The following DOCK9 variants were observed in gnomAD, a reference collection of about 807,000 sequenced individuals.
The protein encoded by DOCK9 is dedicator of cytokinesis protein 9.
A neutral mutation model predicts 263.3 loss-of-function variants in DOCK9; 89 were observed. The ratio of observed to expected loss-of-function variants is 0.34; its 90% confidence interval spans 0.28 to 0.40. The LOEUF (loss-of-function observed/expected upper bound fraction) is 0.40. Among genes scored for constraint, DOCK9 ranks in the 10% least tolerant of loss-of-function variants. The pLI, the probability that DOCK9 is intolerant of heterozygous loss-of-function variation, is 1.00. For synonymous variants in DOCK9, 976 were observed against 973.1 expected (o/e 1.00, Z -0.06); for missense variants, 2,140 against 2,603.4 (o/e 0.82, Z 3.87).
chr13:98,902,920 G>A, intron 11 of DOCK9, 52 bp downstream of exon 11: 1 of 1,420,832 alleles, frequency 7.0e-7, no homozygotes, highest in Non-Finnish European at 9.2e-7. Context: ...AGGTACATCT[G>A]AAACCTCTGC....
At chr13:98,916,647 T>C (rs1282204414) in intron 7 of DOCK9, among the ~76,000 whole-genome samples, 4 of 152,210 alleles carry the variant, frequency 2.6e-5, no homozygotes, top group Non-Finnish European at 4.4e-5. Context: ...GGCTCAGTAA[T>C]TGCCACTTTG....
At chr13:99,058,376 G>C (rs2041024061) in intron 1 of DOCK9, among the ~76,000 whole-genome samples, 1 of 152,048 alleles carries the variant, frequency 6.6e-6, no homozygotes. Context: ...TGGCCAGCCT[G>C]GTCTTGAACT....
intron 1 of DOCK9, among the ~76,000 whole-genome samples, chr13:98,975,472 T>TACACACACACACACAC (rs146581245): frequency 4.8e-4 from 69 of 142,510 alleles, no homozygotes; most frequent in East Asian, 1.4e-3. Context: ...TCTAAACACA[T>TACACACACACACACAC]ACACACACAC....
intron 9 of DOCK9, among the ~76,000 whole-genome samples, chr13:98,906,597 G>A (rs983759329): frequency 6.6e-6 from 1 of 152,104 alleles, no homozygotes; most frequent in African/African-American, 2.4e-5. Context: ...CACTTGATGG[G>A]GCACTCACAA....
intron 1 of DOCK9, among the ~76,000 whole-genome samples, chr13:99,082,857 C>T (rs1490789341): frequency 1.3e-5 from 2 of 152,188 alleles, no homozygotes; most frequent in Admixed American, 1.3e-4. Context: ...TAAGATTGTA[C>T]AGCTGGTGAG....
chr13:99,057,279 T>C (rs1315358485), intron 1 of DOCK9, among the ~76,000 whole-genome samples: 8 of 152,168 alleles, frequency 5.3e-5, no homozygotes, highest in Admixed American at 2.6e-4. Context: ...ATTCCTAGCA[T>C]ACAGACAAGA....
At position 98,855,836 on chromosome 13, in the gene DOCK9, G is replaced by T. The variant is rs535810832; in HGVS notation, c.3831+62C>A. ...TAAAAGGCACTAGAACATGAAGTACGTTTACTTTGGGCTAAATCCATTGAT... is the reference window on the plus strand; with the variant it reads ...TAAAAGGCACTAGAACATGAAGTACTTTTACTTTGGGCTAAATCCATTGAT... On this transcript the variant is annotated intron_variant, in intron 34 of 52. Transcript: ENST00000682017. 18 of 1,593,080 alleles carry T rather than the reference G, an allele frequency of 1.1e-5. No individual in the cohort carries two copies. In the South Asian group the frequency reaches 2.0e-4, roughly 18 times the overall value.
At position 98,867,817 on chromosome 13, in the gene DOCK9, C is replaced by A. The variant is rs181117700; in HGVS notation, c.3174+111G>T. 7.4e-4 allele frequency: 778 copies of A among 1,049,246 alleles called. 1 individual carries two copies. Among genetic ancestry groups the A allele is most frequent in the Non-Finnish European group, 8.7e-4 (633 of 728,888 alleles). 65.0% of individuals were successfully genotyped at this position (1,049,246 alleles called of 1,614,324 possible). ...TATAATTACAGACACAGGCTCAATA[C>A]AATAAAAAAATTAGTAAGGCAGAGC... On this transcript the variant is annotated intron_variant, in intron 29 of 52. Coordinates refer to ENST00000682017, the MANE Select transcript of DOCK9 (RefSeq NM_001366683.2).
intron 1 of DOCK9, among the ~76,000 whole-genome samples, chr13:99,010,614 G>C (rs1884312766): frequency 6.6e-6 from 1 of 152,220 alleles, no homozygotes; most frequent in Non-Finnish European, 1.5e-5. Flanking sequence ...TCAGGAATAA[G>C]ATCTTCCCAA....
In DOCK9 at chr13:98,898,247, C is replaced by A; in HGVS notation, c.1518G>T (p.Val506=). The A allele has an allele frequency of 6.2e-7, 1 of 1,611,174 alleles. No homozygotes were observed. Among genetic ancestry groups the A allele is most frequent in the South Asian group, 1.1e-5 (1 of 90,310 alleles). ...SSDSSKVAQK[V]LKNAKQACQR... Reference sequence around the variant, plus strand: ...GGCATGCCTGCTTGGCATTCTTCAGCACCTTCTGGGCCACCTTGAAGACAT... The same window carrying A: ...GGCATGCCTGCTTGGCATTCTTCAGAACCTTCTGGGCCACCTTGAAGACAT... The change falls in exon 14 of 53, where the codon GTG becomes GTT. Residue 506 remains valine, a synonymous_variant. Transcript: ENST00000682017.
At chr13:98,935,810 C>A (rs2054723767) in intron 2 of DOCK9, among the ~76,000 whole-genome samples, 1 of 152,018 alleles carries the variant, frequency 6.6e-6, no homozygotes, top group African/African-American at 2.4e-5. Context: ...GGTTGGAACC[C>A]ATTAGGCTGG....
intron 1 of DOCK9, among the ~76,000 whole-genome samples, chr13:99,016,421 G>A (rs551604375): frequency 6.6e-5 from 10 of 152,258 alleles, no homozygotes; most frequent in Non-Finnish European, 1.2e-4. Context: ...GGATTCTCCC[G>A]TCTCTGGTAC....
At chr13:99,073,154 C>T (rs1159906929) in intron 1 of DOCK9, among the ~76,000 whole-genome samples, 1 of 152,130 alleles carries the variant, frequency 6.6e-6, no homozygotes. Context: ...AGATAACCAT[C>T]GCAACCAGAT....
chr13:98,883,250 T>C (rs762464592), intron 22 of DOCK9, 119 bp from the exon 23 acceptor site: 3 of 960,372 alleles, frequency 3.1e-6, no homozygotes, highest in Non-Finnish European at 4.6e-6. Flanking sequence ...TTGTTGTTGT[T>C]GTTGCTGTTT....
chr13:99,065,444 C>T (rs1310460497), intron 1 of DOCK9, among the ~76,000 whole-genome samples: 4 of 152,166 alleles, frequency 2.6e-5, no homozygotes, highest in African/African-American at 9.7e-5. Flanking sequence ...CGAAAACCCA[C>T]AACAAAGCAT....
At chr13:98,879,995 G>A (rs1201736519) in intron 26 of DOCK9, 26 bp from the exon 27 acceptor site, 4 of 1,559,320 alleles carry the variant, frequency 2.6e-6, no homozygotes, top group Non-Finnish European at 3.5e-6. Context: ...ACAGGACCCA[G>A]TAAGAACACA....
chr13:99,028,001 C>T (rs1177961274), intron 1 of DOCK9, among the ~76,000 whole-genome samples: 3 of 152,226 alleles, frequency 2.0e-5, no homozygotes, highest in Non-Finnish European at 2.9e-5. Flanking sequence ...CTTTGACTCA[C>T]CTGTCTCCCC....
chr13:98,886,223 T>C (rs6491464), intron 19 of DOCK9, among the ~76,000 whole-genome samples: 80,621 of 152,042 alleles, frequency 0.53, 21,932 homozygotes, highest in Middle Eastern at 0.61. Context: ...GATTCTCAGG[T>C]CCAACAAATG....
At chr13:98,929,697 G>A (rs28706845) in intron 3 of DOCK9, among the ~76,000 whole-genome samples, 2 of 151,264 alleles carry the variant, frequency 1.3e-5, no homozygotes, top group Admixed American at 1.3e-4. Context: ...ATATTGACTA[G>A]CGATAGACCC....
Sources: gnomAD v4.1 joint callset for allele counts (sites outside exome capture counted in the v4.1 genomes callset) on GRCh38, gnomAD v4.1.1 for gene constraint, MANE v1.5 for transcripts, NCBI Gene and HGNC (gene_info 2026-07-23, HGNC 2026-07-21) for gene names.